XKR9: variants seen among roughly 807,000 people sequenced by gnomAD.
XKR9 encodes XK-related protein 9.
A neutral mutation model predicts 32.0 loss-of-function variants in XKR9; 32 were observed. The observed-to-expected ratio is 1.00, with a 90% CI of 0.76 to 1.34. The LOEUF is 1.34. XKR9 is among the 40% of genes most tolerant of loss of function. The probability of loss-of-function intolerance (pLI) is 0.00; values close to 1 mark genes in which losing one functional copy is unlikely to be tolerated. For missense variants in XKR9, 546 were observed against 429.7 expected (o/e 1.27, Z -2.39); for synonymous variants, 168 against 143.4 (o/e 1.17, Z -1.22).
At chr8:70,962,587 C>T in the XKR9 span, among the ~76,000 whole-genome samples, 5 of 152,212 alleles carry the variant, frequency 3.3e-5, no homozygotes, top group Non-Finnish European at 7.3e-5. Flanking sequence ...ACTTACCACA[C>T]TTTCTTTATC....
At chr8:70,898,664 A>C in the XKR9 span, among the ~76,000 whole-genome samples, 1 of 152,118 alleles carries the variant, frequency 6.6e-6, no homozygotes, top group Non-Finnish European at 1.5e-5. Context: ...ATCTAGTTTA[A>C]TTCCTTTATG....
chr8:71,004,851 T>C, the XKR9 span, among the ~76,000 whole-genome samples: 1 of 152,150 alleles, frequency 6.6e-6, no homozygotes, highest in Non-Finnish European at 1.5e-5. Flanking sequence ...TTTTTCTTTT[T>C]TTCTTTTTGT....
Position 70,707,022 on chromosome 8 carries a change from A to C in XKR9, c.362A>C (p.His121Pro), listed in dbSNP as rs373523226. The change falls in exon 4 of 5, where the codon CAT becomes CCT. Residue 121 changes from histidine (H) to proline (P), a missense_variant. Coordinates refer to ENST00000408926, the MANE Select transcript of XKR9 (RefSeq NM_001011720.2). ...TTCGTGGAAGAACAAATTGATCTAC[A>C]TAAAGAAGTTATAGATAGAGTGACT... ...SNFVEEQIDL[H>P]KEVIDRVTDL... 67 of 1,613,342 alleles carry C rather than the reference A, an allele frequency of 4.2e-5. No individual in the cohort carries two copies. Among genetic ancestry groups the C allele is most frequent in the Non-Finnish European group, 5.3e-5 (62 of 1,179,508 alleles).
chr8:70,725,965 GA>G (rs890610466), intron 4 of XKR9, among the ~76,000 whole-genome samples: 2 of 151,978 alleles, frequency 1.3e-5, no homozygotes, highest in Non-Finnish European at 2.9e-5. Flanking sequence ...TGCATATTAT[GA>G]AAAAAACTAC....
At chr8:71,064,976 A>G in the XKR9 span, among the ~76,000 whole-genome samples, 10 of 152,304 alleles carry the variant, frequency 6.6e-5, no homozygotes, top group South Asian at 1.0e-3. Context: ...GCCTCTCAGT[A>G]GCTATATGAC....
the XKR9 span, among the ~76,000 whole-genome samples, chr8:70,808,567 C>G: frequency 6.6e-6 from 1 of 152,174 alleles, no homozygotes; most frequent in African/African-American, 2.4e-5. Context: ...GGGTGACAGA[C>G]AGCACCTGGA....
At chr8:70,835,536 G>A in the XKR9 span, among the ~76,000 whole-genome samples, 34 of 152,118 alleles carry the variant, frequency 2.2e-4, no homozygotes, top group African/African-American at 8.2e-4. Context: ...AAACCTGTAG[G>A]CCAGTTAGGT....
At chr8:70,803,105 G>C in the XKR9 span, among the ~76,000 whole-genome samples, 5 of 152,016 alleles carry the variant, frequency 3.3e-5, no homozygotes, top group Admixed American at 6.6e-5. Flanking sequence ...CATAGATTTG[G>C]TCTCTTTATG....
chr8:70,790,789 A>C (rs149499670), downstream of XKR9, among the ~76,000 whole-genome samples: 597 of 152,156 alleles, frequency 3.9e-3, 5 homozygotes, highest in African/African-American at 0.014. Context: ...AAATACCATA[A>C]ATTGGGTGGC....
the XKR9 span, among the ~76,000 whole-genome samples, chr8:70,946,778 ACT>A: frequency 6.6e-6 from 1 of 151,994 alleles, no homozygotes; most frequent in Non-Finnish European, 1.5e-5. Flanking sequence ...GGTATGAGAA[ACT>A]CTTTTGATTT....
chr8:70,709,883 A>G (rs918866191), intron 4 of XKR9, among the ~76,000 whole-genome samples: 3 of 152,214 alleles, frequency 2.0e-5, no homozygotes, highest in Non-Finnish European at 2.9e-5. Context: ...GTCCAAAGCA[A>G]TGTACAGATT....
the XKR9 span, among the ~76,000 whole-genome samples, chr8:71,011,135 T>C: frequency 6.6e-6 from 1 of 152,214 alleles, no homozygotes; most frequent in African/African-American, 2.4e-5. Flanking sequence ...TCAAAGCTTC[T>C]GGCAGTGGAA....
At chr8:70,945,626 C>A in the XKR9 span, among the ~76,000 whole-genome samples, 1 of 152,084 alleles carries the variant, frequency 6.6e-6, no homozygotes, top group African/African-American at 2.4e-5. Flanking sequence ...TAACTCCATT[C>A]TAGCTTTTAT....
At chr8:70,942,309 A>G in the XKR9 span, among the ~76,000 whole-genome samples, 1 of 152,080 alleles carries the variant, frequency 6.6e-6, no homozygotes, top group African/African-American at 2.4e-5. Flanking sequence ...ACTATATTTG[A>G]CTTTTGTGGT....
intron 1 of XKR9, chr8:70,670,494 C>T (rs1193066037): frequency 1.3e-5 from 2 of 151,618 alleles, no homozygotes; most frequent in East Asian, 1.9e-4. Context: ...AACATATCCA[C>T]TGTAGCAGCC....
At chr8:70,944,379 G>A in the XKR9 span, among the ~76,000 whole-genome samples, 1 of 152,082 alleles carries the variant, frequency 6.6e-6, no homozygotes, top group South Asian at 2.1e-4. Context: ...AAAACAAAAC[G>A]AAACAAACAA....
chr8:71,044,309 C>T, the XKR9 span, among the ~76,000 whole-genome samples: 1 of 152,188 alleles, frequency 6.6e-6, no homozygotes, highest in Non-Finnish European at 1.5e-5. Flanking sequence ...CCAGGTAGTT[C>T]TTTCAGCTGT....
intron 2 of XKR9, among the ~76,000 whole-genome samples, chr8:70,763,932 C>A (rs1443187945): frequency 6.6e-6 from 1 of 152,184 alleles, no homozygotes; most frequent in Non-Finnish European, 1.5e-5. Flanking sequence ...CCTGACAGAA[C>A]TTTAGATTCA....
chr8:70,990,756 AG>A, the XKR9 span, among the ~76,000 whole-genome samples: 1 of 151,820 alleles, frequency 6.6e-6, no homozygotes, highest in Non-Finnish European at 1.5e-5. Context: ...AGAGAGAGAG[AG>A]AGAGAGAGAG....
Sources: gnomAD v4.1 joint callset for allele counts (sites outside exome capture counted in the v4.1 genomes callset) on GRCh38, gnomAD v4.1.1 for gene constraint, MANE v1.5 for transcripts, NCBI Gene and HGNC (gene_info 2026-07-23, HGNC 2026-07-21) for gene names.